ESR1: variants seen among roughly 807,000 people sequenced by gnomAD.
ESR1 encodes estrogen receptor.
Under a neutral mutation model 52.7 loss-of-function variants are expected in ESR1, and 12 were observed. The observed-to-expected ratio is 0.23, with a 90% CI of 0.15 to 0.37. The LOEUF is 0.37. ESR1 is among the 10% of genes least tolerant of loss of function. The pLI, the probability that ESR1 is intolerant of heterozygous loss-of-function variation, is 1.00. For synonymous variants in ESR1, 305 were observed against 316.8 expected (o/e 0.96, Z 0.39); for missense variants, 584 against 779.7 (o/e 0.75, Z 2.99).
chr6:151,755,241 C>CAAAAAA (rs567126492), intron 2 of ESR1, among the ~76,000 whole-genome samples: 1 of 142,078 alleles, frequency 7.0e-6, no homozygotes, highest in Admixed American at 7.0e-5. Context: ...AAACCAAAAC[C>CAAAAAA]AAAAAAAAAA....
chr6:151,660,921 T>G lies in ESR1; in HGVS notation n.73+4158T>G, dbSNP rs538635181. Among the ~76,000 whole-genome samples the G allele has an allele frequency of 2.0e-5, 3 of 152,284 alleles. No individual in the cohort carries two copies. In the South Asian group the frequency reaches 6.2e-4, roughly 32 times the overall value. On this transcript the variant is annotated intron_variant and non_coding_transcript_variant, in intron 1 of 2. Transcript: ENST00000473497. Reference sequence around the variant, plus strand: ...ATATATGCTGATGCTTGGGCTCCACTTCCACATATTCTGATTTAATTGATT... The same window carrying G: ...ATATATGCTGATGCTTGGGCTCCACGTCCACATATTCTGATTTAATTGATT...
At chr6:152,117,496 T>A (rs2051223922) in intron 6 of ESR1, among the ~76,000 whole-genome samples, 1 of 152,224 alleles carries the variant, frequency 6.6e-6, no homozygotes, top group African/African-American at 2.4e-5. Context: ...TTCAGTTATG[T>A]TCCCACTCTT....
At chr6:151,822,882 C>T (rs2128194107) in intron 1 of ESR1, among the ~76,000 whole-genome samples, 1 of 152,186 alleles carries the variant, frequency 6.6e-6, no homozygotes, top group South Asian at 2.1e-4. Context: ...TAATTATGTC[C>T]GAAACAGACT....
In ESR1 at chr6:152,101,482, TAA is replaced by T; in HGVS notation, c.*2517_*2518del. 4.3e-6 allele frequency: 1 copy of T among 232,672 alleles called. No individual in the cohort carries two copies. The highest frequency in any genetic ancestry group is 8.5e-6 in the Non-Finnish European group (1 of 117,698). The allele number at this position is 232,672 out of a possible 1,614,324, so 14.4% of individuals were successfully genotyped here. A position where few individuals can be genotyped will look rare whatever the true frequency, so the allele number is the denominator to read the frequency against. ...TCATCCAATGTGTTTCTATTCATGT[TAA>T]GATACTACTACATTTGAAGTGGGCA... On this transcript the variant is annotated 3_prime_UTR_variant, in exon 8 of 8. Transcript: ENST00000206249.
rs914730308 is a variant in ESR1 at position 152,061,462 on chromosome 6, C to A, written c.1369+338C>A. Among the ~76,000 whole-genome samples the A allele has an allele frequency of 3.3e-5, 5 of 151,968 alleles. No individual in the cohort carries two copies. The highest frequency in any genetic ancestry group is 1.2e-4 in the African/African-American group (5 of 41,368). ...TATATTATGTCTGAAAATAAGTAGA[C>A]CAAGTAATTCTGTTAAGAAATTGTG... is the stretch of plus-strand genomic sequence containing the variant. On this transcript the variant is annotated intron_variant, in intron 6 of 7. Coordinates refer to ENST00000206249, the MANE Select transcript of ESR1 (RefSeq NM_000125.4). The surrounding 1 kb of genome is among the most constrained non-coding windows in gnomAD (Gnocchi z 4.3).
chr6:152,073,637 C>T (rs544395418), intron 6 of ESR1, among the ~76,000 whole-genome samples: 4 of 152,260 alleles, frequency 2.6e-5, no homozygotes, highest in South Asian at 2.1e-4. Context: ...TCTCTGGAGG[C>T]GAGTCTGTTG....
chr6:152,034,449 C>T (rs1238969040), intron 5 of ESR1, among the ~76,000 whole-genome samples: 2 of 152,084 alleles, frequency 1.3e-5, no homozygotes, highest in Non-Finnish European at 1.5e-5. Context: ...TTTTTATCTT[C>T]ACATCCTTTA....
At chr6:151,769,567 A>G (rs959312856) in intron 2 of ESR1, among the ~76,000 whole-genome samples, 1 of 152,180 alleles carries the variant, frequency 6.6e-6, no homozygotes, top group African/African-American at 2.4e-5. Flanking sequence ...CTGAATGGAC[A>G]CTGAATATCT....
chr6:152,033,953 A>G (rs1199157231), intron 5 of ESR1, among the ~76,000 whole-genome samples: 4 of 152,212 alleles, frequency 2.6e-5, no homozygotes, highest in African/African-American at 7.2e-5. Context: ...ATGGAATACT[A>G]TGCAGCCATA....
At chr6:151,660,042 A>G (rs1365838097) in intron 1 of ESR1, among the ~76,000 whole-genome samples, 1 of 152,232 alleles carries the variant, frequency 6.6e-6, no homozygotes, top group East Asian at 1.9e-4. Flanking sequence ...ATATGTCTGT[A>G]TAGTCATCAG....
chr6:151,898,035 T>C (rs150219202), intron 3 of ESR1, among the ~76,000 whole-genome samples: 3 of 152,368 alleles, frequency 2.0e-5, no homozygotes, highest in Non-Finnish European at 4.4e-5. Context: ...CAATCCCTTC[T>C]AGTTTATAGG....
At position 151,720,809 on chromosome 6, in the gene ESR1, A is replaced by G. The variant is rs1018442; in HGVS notation, c.-71+18804A>G. Among the ~76,000 whole-genome samples, 418 of 152,330 alleles carry G rather than the reference A, an allele frequency of 2.7e-3. 4 individuals carry two copies. Among genetic ancestry groups the G allele is most frequent in the South Asian group, 0.018 (85 of 4,822 alleles). On this transcript the variant is annotated intron_variant, in intron 2 of 2. Coordinates refer to the ESR1 transcript ENST00000404742. ...ACATTTGAGCCAAGACATGAAGGACATGAGGACATAATTTACTTTTGTCCT... is the reference window on the plus strand; with the variant it reads ...ACATTTGAGCCAAGACATGAAGGACGTGAGGACATAATTTACTTTTGTCCT...
At chr6:151,776,762 C>T (rs997720701) in intron 2 of ESR1, among the ~76,000 whole-genome samples, 9 of 151,428 alleles carry the variant, frequency 5.9e-5, no homozygotes, top group Non-Finnish European at 8.8e-5. Flanking sequence ...CGCTTGAACC[C>T]GGGAGGCAGA....
intron 1 of ESR1, among the ~76,000 whole-genome samples, chr6:151,817,114 G>C: frequency 6.6e-6 from 1 of 152,146 alleles, no homozygotes; most frequent in East Asian, 1.9e-4. Context: ...CTCATACTTA[G>C]GGAGCATCTA....
At chr6:151,789,794 C>T (rs529802057) in intron 2 of ESR1, among the ~76,000 whole-genome samples, 12 of 152,246 alleles carry the variant, frequency 7.9e-5, no homozygotes, top group African/African-American at 2.6e-4. Context: ...CATACAAGCC[C>T]GCTGCCTGCA....
At position 151,854,071 on chromosome 6, in the gene ESR1, T is replaced by G. The variant is rs551173953; in HGVS notation, c.643+11284T>G. Among the ~76,000 whole-genome samples, 110 of 152,334 alleles carry G rather than the reference T, an allele frequency of 7.2e-4. 1 individual carries two copies. The highest frequency in any genetic ancestry group is 1.2e-3 in the Non-Finnish European group (84 of 68,028). On this transcript the variant is annotated intron_variant, in intron 2 of 7. Transcript: ENST00000206249. Reference sequence around the variant, plus strand: ...TTCATAGAGAACTGTTGTCAGTAGCTTTATATCCTTTTAAAGAGAATGGTC... The same window carrying G: ...TTCATAGAGAACTGTTGTCAGTAGCGTTATATCCTTTTAAAGAGAATGGTC...
chr6:152,043,645 C>A (rs940985385), intron 5 of ESR1, among the ~76,000 whole-genome samples: 2 of 152,206 alleles, frequency 1.3e-5, no homozygotes, highest in African/African-American at 4.8e-5. Flanking sequence ...CAGGGTTAAA[C>A]TCCTCAGACA....
intron 3 of ESR1, among the ~76,000 whole-genome samples, chr6:151,914,323 C>G (rs920816638): frequency 6.6e-6 from 1 of 151,794 alleles, no homozygotes; most frequent in Non-Finnish European, 1.5e-5. Flanking sequence ...TAAAACCCAT[C>G]TGCTTATTGA....
At chr6:151,918,236 C>G (rs920491569) in intron 3 of ESR1, among the ~76,000 whole-genome samples, 5 of 152,166 alleles carry the variant, frequency 3.3e-5, no homozygotes, top group Admixed American at 2.6e-4. Context: ...AACTCTGGAG[C>G]CTGGGATGAA....
Sources: gnomAD v4.1 joint callset for allele counts (sites outside exome capture counted in the v4.1 genomes callset) on GRCh38, gnomAD v4.1.1 for gene constraint, Gnocchi (gnomAD v3.1) non-coding constraint, MANE v1.5 for transcripts, NCBI Gene and HGNC (gene_info 2026-07-23, HGNC 2026-07-21) for gene names.